Variants in NKAIN3 observed in about 807,000 individuals in gnomAD.
NKAIN3 encodes sodium/potassium transporting ATPase interacting 3, also known as sodium/potassium-transporting ATPase subunit beta-1-interacting protein 3.
NKAIN3 carries 25 observed loss-of-function variants against 30.2 expected under a neutral mutation model. The ratio of observed to expected loss-of-function variants is 0.83; its 90% CI spans 0.60 to 1.16. NKAIN3 has a LOEUF of 1.16. Among genes scored for constraint, NKAIN3 ranks in the 50% most tolerant of loss-of-function variants. The pLI, the probability that NKAIN3 is intolerant of heterozygous loss-of-function variation, is 0.00. For missense variants in NKAIN3, 225 were observed against 254.1 expected, an observed-to-expected ratio of 0.89 and a Z score of 0.78; for synonymous variants, 91 against 89.6, an observed-to-expected ratio of 1.02 and a Z score of -0.09.
intron 1 of NKAIN3, among the ~76,000 whole-genome samples, chr8:62,328,992 C>CT (rs1438030204): frequency 1.3e-5 from 2 of 151,868 alleles, no homozygotes; most frequent in African/African-American, 4.8e-5. Context: ...TTTGCATTAC[C>CT]TTTTTTGGGT....
At chr8:62,580,973 G>T (rs1277932615) in intron 2 of NKAIN3, among the ~76,000 whole-genome samples, 1 of 148,850 alleles carries the variant, frequency 6.7e-6, no homozygotes, top group South Asian at 2.1e-4. Context: ...CAGACATTGG[G>T]GGGCCTGTGG....
intron 3 of NKAIN3, among the ~76,000 whole-genome samples, chr8:62,689,686 T>C (rs1313044663): frequency 6.6e-6 from 1 of 152,124 alleles, no homozygotes; most frequent in African/African-American, 2.4e-5. Context: ...TAAAGAATGT[T>C]CAGAAAATCC....
chr8:62,387,357 A>T (rs1223021493), intron 1 of NKAIN3, among the ~76,000 whole-genome samples: 1 of 152,098 alleles, frequency 6.6e-6, no homozygotes, highest in Non-Finnish European at 1.5e-5. Flanking sequence ...AGCAAAAAAA[A>T]AAAAAATACA....
At chr8:62,821,404 G>T (rs548227377) in intron 4 of NKAIN3, among the ~76,000 whole-genome samples, 1 of 152,134 alleles carries the variant, frequency 6.6e-6, no homozygotes, top group Non-Finnish European at 1.5e-5. Context: ...CTTAACAAAA[G>T]TTTCTGGGAA....
At chr8:62,919,398 C>A (rs558614811) in intron 5 of NKAIN3, among the ~76,000 whole-genome samples, 115 of 151,746 alleles carry the variant, frequency 7.6e-4, no homozygotes, top group Non-Finnish European at 6.9e-4. Context: ...GCACCCGCCA[C>A]CATGTCCGGC....
intron 6 of NKAIN3, among the ~76,000 whole-genome samples, chr8:62,956,826 G>T (rs1823432112): frequency 6.6e-6 from 1 of 152,148 alleles, no homozygotes; most frequent in African/African-American, 2.4e-5. Context: ...TAGGAGGGGA[G>T]ATCTACATAG....
intron 1 of NKAIN3, among the ~76,000 whole-genome samples, chr8:62,481,131 C>A (rs192496540): frequency 2.0e-5 from 3 of 152,108 alleles, no homozygotes; most frequent in African/African-American, 7.2e-5. Context: ...AAATCCTCCC[C>A]GATCTAGATA....
At chr8:62,688,737 GACAGAC>G (rs58329339) in intron 3 of NKAIN3, among the ~76,000 whole-genome samples, 14,730 of 146,240 alleles carry the variant, frequency 0.1, 774 homozygotes, top group East Asian at 0.23. Context: ...CAGACAGACA[GACAGAC>G]ACACACACAC....
intron 4 of NKAIN3, among the ~76,000 whole-genome samples, chr8:62,886,880 T>C (rs907117369): frequency 2.0e-5 from 3 of 152,124 alleles, no homozygotes; most frequent in South Asian, 2.1e-4. Flanking sequence ...TGTGTTCTCA[T>C]TGTTCAACTC....
intron 3 of NKAIN3, among the ~76,000 whole-genome samples, chr8:62,682,433 G>T (rs1421735035): frequency 4.6e-5 from 7 of 152,204 alleles, no homozygotes; most frequent in Non-Finnish European, 8.8e-5. Flanking sequence ...GAAGCCTCCA[G>T]CTGAACTCTG....
rs77479524 is a variant in NKAIN3 at position 62,790,565 on chromosome 8, GTGTC to G, written c.471+43452_471+43455del. On this transcript the variant is annotated intron_variant, in intron 4 of 6. Transcript: ENST00000623646. ...CTCTTTTCCTTGTGTGTGTGTGTGT[GTGTC>G]TGTCTGTCTGTCTGTGTGTGTGTGT... Among the ~76,000 whole-genome samples the G allele has an allele frequency of 7.0e-3, 856 of 122,046 alleles. 3 individuals are homozygous for G. The highest frequency in any genetic ancestry group is 0.021 in the African/African-American group (753 of 35,948). 80.1% of individuals were successfully genotyped at this position (122,046 alleles called of 152,430 possible).
chr8:62,310,773 G>T (rs1301599611), intron 1 of NKAIN3, among the ~76,000 whole-genome samples: 1 of 150,380 alleles, frequency 6.6e-6, no homozygotes, highest in Non-Finnish European at 1.5e-5. Context: ...AATGGAGCTA[G>T]CTGGTTATAT....
At chr8:62,802,562 G>A (rs1818106817) in intron 4 of NKAIN3, among the ~76,000 whole-genome samples, 2 of 152,158 alleles carry the variant, frequency 1.3e-5, no homozygotes, top group African/African-American at 4.8e-5. Flanking sequence ...ACAAGCAAAT[G>A]TGGAGAGATT....
At chr8:62,957,710 G>A (rs901014550) in intron 6 of NKAIN3, among the ~76,000 whole-genome samples, 1 of 152,150 alleles carries the variant, frequency 6.6e-6, no homozygotes, top group African/African-American at 2.4e-5. Context: ...GGTTGCGGGA[G>A]GGGAGACACG....
At chr8:62,843,984 G>T (rs1439848882) in intron 4 of NKAIN3, among the ~76,000 whole-genome samples, 1 of 152,094 alleles carries the variant, frequency 6.6e-6, no homozygotes, top group Non-Finnish European at 1.5e-5. Flanking sequence ...GTCAGTAGGA[G>T]TCCAAAACTT....
At chr8:62,731,955 ATT>A in intron 3 of NKAIN3, among the ~76,000 whole-genome samples, 1 of 146,640 alleles carries the variant, frequency 6.8e-6, no homozygotes. Flanking sequence ...TTGAGATTTC[ATT>A]TTTTTTTTTG....
intron 4 of NKAIN3, among the ~76,000 whole-genome samples, chr8:62,773,410 A>C (rs1563555514): frequency 6.6e-6 from 1 of 152,042 alleles, no homozygotes; most frequent in Non-Finnish European, 1.5e-5. Context: ...CGTTCCATTG[A>C]TCTATGTATC....
chr8:62,855,353 A>G, intron 4 of NKAIN3: 1 of 668,290 alleles, frequency 1.5e-6, no homozygotes, highest in Non-Finnish European at 2.7e-6. Context: ...CTGCTTCTTC[A>G]GCCCATATGC....
intron 1 of NKAIN3, among the ~76,000 whole-genome samples, chr8:62,397,983 A>G (rs1481089776): frequency 6.6e-6 from 1 of 152,126 alleles, no homozygotes; most frequent in Non-Finnish European, 1.5e-5. Flanking sequence ...CTTATACATC[A>G]TTTTCCACAT....
Sources: allele counts gnomAD v4.1 joint callset (sites outside exome capture counted in the v4.1 genomes callset), GRCh38; gene constraint gnomAD v4.1.1; transcripts MANE v1.5; gene names NCBI Gene and HGNC (gene_info 2026-07-23, HGNC 2026-07-21).